HAUS8: variants seen among roughly 807,000 people sequenced by gnomAD.
HAUS8 encodes the protein HAUS augmin-like complex subunit 8.
HAUS8 carries 38 observed loss-of-function variants against 42.9 expected under a neutral mutation model. That is an observed-to-expected ratio of 0.89 (90% CI 0.68 to 1.16). The LOEUF is 1.16. HAUS8 is among the 50% of genes most tolerant of loss of function. The probability of loss-of-function intolerance (pLI) is 0.00; values close to 1 mark genes in which losing one functional copy is unlikely to be tolerated. For synonymous variants in HAUS8, 199 were observed against 205.8 expected (o/e 0.97, Z 0.28); for missense variants, 494 against 511.6 (o/e 0.97, Z 0.33).
intron 5 of HAUS8, 43 bp downstream of exon 5, chr19:17,059,954 C>T: frequency 7.1e-7 from 1 of 1,407,596 alleles, no homozygotes; most frequent in Non-Finnish European, 1.0e-6. Flanking sequence ...AGACCTACTG[C>T]AACCCCCAGT....
chr19:17,072,779 G>A (rs2057435827), intron 2 of HAUS8, among the ~76,000 whole-genome samples: 1 of 151,948 alleles, frequency 6.6e-6, no homozygotes, highest in South Asian at 2.1e-4. Flanking sequence ...AGATGTACAG[G>A]CACCCCTCAT....
chr19:17,070,362 C>T (rs1000015982), intron 2 of HAUS8, among the ~76,000 whole-genome samples: 2 of 152,196 alleles, frequency 1.3e-5, no homozygotes, highest in East Asian at 1.9e-4. Context: ...CCTCCAACTG[C>T]CCTTCAGGGC....
chr19:17,052,449 C>T (rs1216836420), intron 10 of HAUS8: 5 of 176,678 alleles, frequency 2.8e-5, no homozygotes, highest in East Asian at 1.7e-4. Flanking sequence ...GGCATGGTGG[C>T]GCACACCTGC....
chr19:17,073,510 C>G (rs913024930), intron 1 of HAUS8, 175 bp from the exon 2 acceptor site: 2 of 648,334 alleles, frequency 3.1e-6, no homozygotes, highest in Non-Finnish European at 2.8e-6. Context: ...AGCAGCCAGC[C>G]CTGGTCACCT....
intron 9 of HAUS8, among the ~76,000 whole-genome samples, chr19:17,054,633 C>G (rs1434479679): frequency 6.6e-6 from 1 of 152,012 alleles, no homozygotes; most frequent in Non-Finnish European, 1.5e-5. Flanking sequence ...GAAACCCTGT[C>G]TCTACTAAAA....
In HAUS8 at chr19:17,055,875, C is replaced by A; in HGVS notation, c.773G>T (p.Gly258Val). Reference sequence around the variant, plus strand: ...CCGTTTCCTACCTAAGAGCTGCTGCCCATCTCCCTCCAGGTGGATGGACCT... The same window carrying A: ...CCGTTTCCTACCTAAGAGCTGCTGCACATCTCCCTCCAGGTGGATGGACCT... The part of the protein sequence containing the change: ...PVRSIHLEGD[G>V]QQLLDALQHE... The change falls in exon 9 of 11, where the codon GGG becomes GTG. Residue 258 changes from glycine (G) to valine (V), a missense_variant. Physicochemically the swap from Gly to Val is moderately radical, Grantham distance 109 (BLOSUM62 -3). Transcript: ENST00000253669. 3 of 1,613,970 alleles carry A rather than the reference C, an allele frequency of 1.9e-6. No homozygotes were observed. The highest frequency in any genetic ancestry group is 1.7e-6 in the Non-Finnish European group (2 of 1,179,994).
chr19:17,063,826 C>T (rs1332669004), intron 3 of HAUS8, among the ~76,000 whole-genome samples: 2 of 152,204 alleles, frequency 1.3e-5, no homozygotes, highest in African/African-American at 4.8e-5. Context: ...CTGGGACTTA[C>T]ACCTTTGGCT....
rs1000077348 is a variant in HAUS8, at chr19:17,073,265, A to G, written c.91+9T>C. On this transcript the variant is annotated intron_variant, in intron 2 of 10. Coordinates refer to ENST00000253669, the MANE Select transcript of HAUS8 (RefSeq NM_033417.2). The stretch of plus-strand genomic sequence containing the variant: ...CCATGTTCCTTAAAGAGATCCTGAC[A>G]CTGCTTACCTTGAACTCTTTTATCC... The G allele has an allele frequency of 8.1e-6, 13 of 1,611,318 alleles. No individual in the cohort carries two copies. The highest frequency in any genetic ancestry group is 1.7e-5 in the Admixed American group (1 of 60,018).
intron 2 of HAUS8, among the ~76,000 whole-genome samples, chr19:17,071,059 A>C (rs1320679697): frequency 8.3e-6 from 1 of 121,150 alleles, no homozygotes; most frequent in Admixed American, 9.5e-5. Context: ...ACAGAGTTAG[A>C]CTTTGTCTCA....
At chr19:17,052,171 T>C (rs1438392508) in intron 10 of HAUS8, 2 of 151,908 alleles carry the variant, frequency 1.3e-5, no homozygotes, top group East Asian at 3.9e-4. Flanking sequence ...TCTCACCATG[T>C]TGCCCAGGCT....
At chr19:17,073,433 G>T in intron 1 of HAUS8, 98 bp from the exon 2 acceptor site, 1 of 1,086,078 alleles carries the variant, frequency 9.2e-7, no homozygotes, top group Non-Finnish European at 1.4e-6. Flanking sequence ...AGACAGCCCA[G>T]TCCAAGGGCT....
chr19:17,069,171 G>T, intron 2 of HAUS8, 85 bp from the exon 3 acceptor site: 1 of 1,175,166 alleles, frequency 8.5e-7, no homozygotes, highest in Non-Finnish European at 1.3e-6. Flanking sequence ...CGGAGACCCA[G>T]ATGCCAGGGG....
intron 9 of HAUS8, 34 bp from the exon 10 acceptor site, chr19:17,053,000 G>C: frequency 6.2e-7 from 1 of 1,613,672 alleles, no homozygotes; most frequent in Non-Finnish European, 8.5e-7. Context: ...GCGATGGATG[G>C]CAAGGTGCCC....
intron 8 of HAUS8, among the ~76,000 whole-genome samples, chr19:17,058,217 G>A (rs902219178): frequency 2.0e-5 from 3 of 152,210 alleles, no homozygotes; most frequent in Non-Finnish European, 4.4e-5. Flanking sequence ...TAGGAGTGAT[G>A]TGCCTCTCAC....
intron 9 of HAUS8, among the ~76,000 whole-genome samples, chr19:17,054,375 G>A (rs182269695): frequency 4.6e-5 from 7 of 152,170 alleles, no homozygotes; most frequent in Admixed American, 6.5e-5. Context: ...AAACCCGGCC[G>A]GGCAGGGGGC....
chr19:17,067,325 GA>G (rs762620905), intron 3 of HAUS8, among the ~76,000 whole-genome samples: 22 of 152,214 alleles, frequency 1.4e-4, no homozygotes, highest in Non-Finnish European at 2.9e-4. Context: ...TGATGCCACA[GA>G]TATGACCTTC....
At chr19:17,071,066 C>G (rs1422548401) in intron 2 of HAUS8, among the ~76,000 whole-genome samples, 1 of 86,456 alleles carries the variant, frequency 1.2e-5, no homozygotes, top group Non-Finnish European at 2.2e-5. Context: ...TAGACTTTGT[C>G]TCATAAAAAA....
intron 2 of HAUS8, among the ~76,000 whole-genome samples, chr19:17,070,548 C>T (rs1446881274): frequency 1.3e-5 from 2 of 152,226 alleles, no homozygotes; most frequent in African/African-American, 4.8e-5. Flanking sequence ...CCCCTGCAGG[C>T]ACCTCCCTCT....
chr19:17,068,422 G>A (rs1333564719), intron 3 of HAUS8, among the ~76,000 whole-genome samples: 1 of 152,044 alleles, frequency 6.6e-6, no homozygotes, highest in Non-Finnish European at 1.5e-5. Flanking sequence ...CTGTGTGCTG[G>A]GCACTGGATA....
Sources: allele counts gnomAD v4.1 joint callset (sites outside exome capture counted in the v4.1 genomes callset), GRCh38; gene constraint gnomAD v4.1.1; transcripts MANE v1.5; gene names NCBI Gene and HGNC (gene_info 2026-07-23, HGNC 2026-07-21).